Variants in FAM32A observed in about 807,000 individuals in gnomAD.
The protein encoded by FAM32A is protein FAM32A.
In FAM32A, 9 loss-of-function variants were observed where a neutral mutation model predicts 15.8. That is an observed-to-expected ratio of 0.57 (90% CI 0.34 to 1.00). FAM32A has a LOEUF of 1.00. FAM32A is among the 50% of genes least tolerant of loss of function. The pLI, the probability that FAM32A is intolerant of heterozygous loss-of-function variation, is 0.02. For synonymous variants in FAM32A, 64 were observed against 54.9 expected (o/e 1.16, Z -0.73); for missense variants, 113 against 138.3 (o/e 0.82, Z 0.92).
At position 16,185,781 on chromosome 19, in the gene FAM32A, A is replaced by AGGCGGCGGGGAGGCGGGAACACCC. The variant is rs2091383438; in HGVS notation, c.216+21_216+44dup. The stretch of plus-strand genomic sequence containing the variant: ...GGAGAAGCGGGTGAGCAGAAGCAGA[A>AGGCGGCGGGGAGGCGGGAACACCC]GGCGGCGGGGAGGCGGGAACACCCG... On this transcript the variant is annotated intron_variant, in intron 2 of 3. Coordinates refer to ENST00000263384, the MANE Select transcript of FAM32A (RefSeq NM_014077.4). 2 of 1,545,672 alleles carry AGGCGGCGGGGAGGCGGGAACACCC rather than the reference A, an allele frequency of 1.3e-6. No individual in the cohort carries two copies. Among genetic ancestry groups the AGGCGGCGGGGAGGCGGGAACACCC allele is most frequent in the African/African-American group, 1.4e-5 (1 of 72,532 alleles).
intron 2 of FAM32A, 137 bp downstream of exon 2, chr19:16,185,902 C>A: frequency 1.9e-6 from 2 of 1,035,994 alleles, no homozygotes; most frequent in Non-Finnish European, 2.7e-6. Flanking sequence ...GGATGCTGTA[C>A]GTGAGTGAGA....
At position 16,185,598 on chromosome 19, in the gene FAM32A, C is replaced by G. The variant is rs58030759; in HGVS notation, c.75-26C>G. 9.1e-4 allele frequency: 1,450 copies of G among 1,597,020 alleles called. 18 individuals carry two copies. The East Asian group carries it at 0.025, about 28-fold the overall frequency. Reference sequence around the variant, plus strand: ...GACCCCTGGCCCTGATCCTCCGACCCGCCGCCTCCTCATGTCTTTTTCCAG... The same window carrying G: ...GACCCCTGGCCCTGATCCTCCGACCGGCCGCCTCCTCATGTCTTTTTCCAG... On this transcript the variant is annotated intron_variant, in intron 1 of 3. Transcript: ENST00000263384.
Position 16,191,778 on chromosome 19 carries a change from T to TTA in FAM32A, c.*823_*824insTA, listed in dbSNP as rs2091408291. The TTA allele has an allele frequency of 6.6e-6, 1 of 152,128 alleles. No individual in the cohort carries two copies. The highest frequency in any genetic ancestry group is 6.6e-5 in the Admixed American group (1 of 15,256). The allele number at this position is 152,128 out of a possible 1,614,324, so 9.4% of individuals were successfully genotyped here. On this transcript the variant is annotated 3_prime_UTR_variant, in exon 4 of 4. Coordinates refer to ENST00000263384, the MANE Select transcript of FAM32A (RefSeq NM_014077.4). The stretch of plus-strand genomic sequence containing the variant: ...TTGGCATTCCTACCTTACGGACGTC[T>TTA]CAGGGGTGACAGGACCAGGGCAGAG...
At position 16,191,115 on chromosome 19, in the gene FAM32A, T is replaced by G; in HGVS notation, c.*160T>G. ...AGCTGTGTACCCTCATTCTGGAACT[T>G]GATTAAAGTAAGATCGTCCTTGTAC... On this transcript the variant is annotated 3_prime_UTR_variant, in exon 4 of 4. Coordinates refer to ENST00000263384, the MANE Select transcript of FAM32A (RefSeq NM_014077.4). 1 of 648,036 alleles carries G rather than the reference T, an allele frequency of 1.5e-6. No homozygotes were observed. Among genetic ancestry groups the G allele is most frequent in the East Asian group, 2.8e-5 (1 of 36,316 alleles). The allele number at this position is 648,036 out of a possible 1,614,324, so 40.1% of individuals were successfully genotyped here. A position where few individuals can be genotyped will look rare whatever the true frequency, so the allele number is the denominator to read the frequency against.
At position 16,185,526 on chromosome 19, in the gene FAM32A, G is replaced by A. The variant is rs908617105; in HGVS notation, c.74+10G>A. On this transcript the variant is annotated intron_variant, in intron 1 of 3. Transcript: ENST00000263384. Reference sequence around the variant, plus strand: ...TGGGAGTGACCAAGCGGTGAGGCCCGAGGGCCCGCGGGATTCCGTCTTCAT... The same window carrying A: ...TGGGAGTGACCAAGCGGTGAGGCCCAAGGGCCCGCGGGATTCCGTCTTCAT... The A allele has an allele frequency of 6.4e-7, 1 of 1,567,140 alleles. No individual in the cohort carries two copies. Among genetic ancestry groups the A allele is most frequent in the Non-Finnish European group, 8.7e-7 (1 of 1,155,242 alleles).
intron 2 of FAM32A, chr19:16,186,726 G>A (rs1349070236): frequency 6.6e-6 from 1 of 152,292 alleles, no homozygotes; most frequent in Non-Finnish European, 1.5e-5. Context: ...GCTGGGGAGA[G>A]GGAATAATCA....
intron 2 of FAM32A, among the ~76,000 whole-genome samples, chr19:16,189,894 C>T (rs935150153): frequency 6.6e-6 from 1 of 151,802 alleles, no homozygotes; most frequent in East Asian, 1.9e-4. Context: ...GTCTTGAACT[C>T]CTGGGCTCAA....
chr19:16,188,521 T>C (rs58130951), intron 2 of FAM32A, among the ~76,000 whole-genome samples: 1 of 152,168 alleles, frequency 6.6e-6, no homozygotes, highest in Non-Finnish European at 1.5e-5. Flanking sequence ...GAGGCCGATG[T>C]GGGAAGATCA....
rs1256524466 is a variant in FAM32A, at chr19:16,191,147, T to C, written c.*192T>C. 17 of 598,934 alleles carry C rather than the reference T, an allele frequency of 2.8e-5. No homozygotes were observed. Among genetic ancestry groups the C allele is most frequent in the Non-Finnish European group, 4.8e-5 (16 of 331,826 alleles). The allele number at this position is 598,934 out of a possible 1,614,324, so 37.1% of individuals were successfully genotyped here. On this transcript the variant is annotated 3_prime_UTR_variant, in exon 4 of 4. Coordinates refer to ENST00000263384, the MANE Select transcript of FAM32A (RefSeq NM_014077.4). The stretch of plus-strand genomic sequence containing the variant: ...AGTAAGATCGTCCTTGTACTCAGTT[T>C]AGGCTTCTTGGCAACATACAGAAGA...
chr19:16,190,365 G>T (rs2091401176), intron 2 of FAM32A, among the ~76,000 whole-genome samples, 155 bp from the exon 3 acceptor site: 1 of 152,112 alleles, frequency 6.6e-6, no homozygotes, highest in African/African-American at 2.4e-5. Flanking sequence ...GGACCAGCCT[G>T]GGTGGAGTTG....
In FAM32A at chr19:16,191,113, C is replaced by G. The variant is rs1165313732; in HGVS notation, c.*158C>G. ...GAAGCTGTGTACCCTCATTCTGGAA[C>G]TTGATTAAAGTAAGATCGTCCTTGT... On this transcript the variant is annotated 3_prime_UTR_variant, in exon 4 of 4. Coordinates refer to ENST00000263384, the MANE Select transcript of FAM32A (RefSeq NM_014077.4). 1 of 651,388 alleles carries G rather than the reference C, an allele frequency of 1.5e-6. No homozygotes were observed. Among genetic ancestry groups the G allele is most frequent in the Non-Finnish European group, 2.8e-6 (1 of 358,410 alleles). The allele number at this position is 651,388 out of a possible 1,614,324, so 40.4% of individuals were successfully genotyped here.
At chr19:16,187,887 A>G (rs1411452304) in intron 2 of FAM32A, among the ~76,000 whole-genome samples, 2 of 152,036 alleles carry the variant, frequency 1.3e-5, no homozygotes, top group African/African-American at 4.8e-5. Context: ...CTGGGACTAC[A>G]GGCGCCCACC....
At chr19:16,189,811 G>A (rs942297532) in intron 2 of FAM32A, among the ~76,000 whole-genome samples, 2 of 151,294 alleles carry the variant, frequency 1.3e-5, no homozygotes, top group South Asian at 4.2e-4. Context: ...GAGTAGCTGG[G>A]ACCACAGGTG....
chr19:16,191,372 AGGACCCAGCGTG>A lies in FAM32A; in HGVS notation c.*420_*431del, dbSNP rs1353887300. On this transcript the variant is annotated 3_prime_UTR_variant, in exon 4 of 4. Transcript: ENST00000263384. ...TGGCCTGCAGTATGCAGAGCCCCGCAGGACCCAGCGTGGGCGCCCTTCCAAGCTTCCTCTAGC... is the reference window on the plus strand; with the variant it reads ...TGGCCTGCAGTATGCAGAGCCCCGCAGGCGCCCTTCCAAGCTTCCTCTAGC... 1 of 215,882 alleles carries A rather than the reference AGGACCCAGCGTG, an allele frequency of 4.6e-6. No individual in the cohort carries two copies. Among genetic ancestry groups the A allele is most frequent in the Admixed American group, 5.3e-5 (1 of 19,032 alleles). The allele number at this position is 215,882 out of a possible 1,614,324, so 13.4% of individuals were successfully genotyped here.
intron 2 of FAM32A, among the ~76,000 whole-genome samples, chr19:16,189,778 C>G (rs1417851685): frequency 6.8e-6 from 1 of 146,234 alleles, no homozygotes; most frequent in Non-Finnish European, 1.5e-5. Flanking sequence ...CTGGGTCAAG[C>G]AGTCCTCTCA....
intron 2 of FAM32A, among the ~76,000 whole-genome samples, chr19:16,189,950 T>C (rs142239242): frequency 5.3e-5 from 8 of 152,210 alleles, no homozygotes; most frequent in Non-Finnish European, 1.0e-4. Flanking sequence ...ATTACAGGCA[T>C]GAGCCACCGC....
At chr19:16,188,374 C>G (rs2091393675) in intron 2 of FAM32A, among the ~76,000 whole-genome samples, 1 of 152,102 alleles carries the variant, frequency 6.6e-6, no homozygotes, top group South Asian at 2.1e-4. Context: ...GCAGGTAAAG[C>G]AGGTTTTCTG....
chr19:16,189,660 C>G (rs2091398160), intron 2 of FAM32A: 1 of 108,964 alleles, frequency 9.2e-6, no homozygotes, highest in Non-Finnish European at 2.1e-5. Context: ...ATATCCCACA[C>G]TCCAACTCTT....
Position 16,190,534 on chromosome 19 carries a change from C to T in FAM32A, c.231C>T (p.Ile77=). 3.1e-6 allele frequency: 5 copies of T among 1,612,294 alleles called. No homozygotes were observed. Among genetic ancestry groups the T allele is most frequent in the Non-Finnish European group, 4.2e-6 (5 of 1,178,910 alleles). The change falls in exon 3 of 4, where the codon ATC becomes ATT. Residue 77 remains isoleucine (I), a synonymous_variant. Transcript: ENST00000263384. ...TCTCTCTCCAGCAAATGGAAAGGAT[C>T]CTAAAGAAGGCATCCAAAACCCACA... ...KMQEKRQMER[I]LKKASKTHKQ... is the part of the protein sequence containing the mutation.
Sources: gnomAD v4.1 joint callset for allele counts (sites outside exome capture counted in the v4.1 genomes callset) on GRCh38, gnomAD v4.1.1 for gene constraint, MANE v1.5 for transcripts, NCBI Gene and HGNC (gene_info 2026-07-23, HGNC 2026-07-21) for gene names.